The following MCM2 variants were observed in gnomAD, a reference collection of about 807,000 sequenced individuals.
The protein encoded by MCM2 is minichromosome maintenance complex component 2, also known as DNA replication licensing factor MCM2.
In MCM2, 49 loss-of-function variants were observed where a neutral mutation model predicts 86.4. The observed-to-expected ratio is 0.57, with a 90% CI of 0.45 to 0.72. MCM2 has a LOEUF of 0.72. Ranked by LOEUF, MCM2 falls within the 30% of genes least tolerant of loss-of-function variation. The pLI is 0.00. For synonymous variants in MCM2, 475 were observed against 484.6 expected (o/e 0.98, Z 0.26); for missense variants, 1,038 against 1,259.9 (o/e 0.82, Z 2.67).
chr3:127,599,681 G>T, intron 2 of MCM2, 134 bp downstream of exon 2: 2 of 768,064 alleles, frequency 2.6e-6, no homozygotes, highest in Non-Finnish European at 4.1e-6. Context: ...CTTGATCCAG[G>T]GTTCTGAGGA....
At chr3:127,601,566 A>G (rs965683749) in intron 2 of MCM2, among the ~76,000 whole-genome samples, 1 of 152,076 alleles carries the variant, frequency 6.6e-6, no homozygotes, top group Admixed American at 6.5e-5. Flanking sequence ...CGGTTTTACC[A>G]TGTTGGCCAG....
At chr3:127,608,549 A>C (rs780566836) in intron 7 of MCM2, 33 bp downstream of exon 7, 7 of 1,612,530 alleles carry the variant, frequency 4.3e-6, no homozygotes, top group Non-Finnish European at 5.1e-6. Flanking sequence ...GAGGGAGCCA[A>C]GTTGCAGAGG....
rs1242833362 is a variant in MCM2 at position 127,618,985 on chromosome 3, G to A, written c.2014-42G>A. 5.9e-6 allele frequency: 9 copies of A among 1,527,250 alleles called. No individual in the cohort carries two copies. Among genetic ancestry groups the A allele is most frequent in the East Asian group, 4.7e-5 (2 of 42,872 alleles). 94.6% of individuals were successfully genotyped at this position (1,527,250 alleles called of 1,614,324 possible). On this transcript the variant is annotated intron_variant, in intron 12 of 15. Coordinates refer to ENST00000265056, the MANE Select transcript of MCM2 (RefSeq NM_004526.4). The surrounding 1 kb of genome is among the most constrained non-coding windows in gnomAD (Gnocchi z 4.0). ...CAGCCACTGACCTCCCCAAAGCCAC[G>A]CACACCCACAATCAGACCCACCCTC...
intron 8 of MCM2, among the ~76,000 whole-genome samples, chr3:127,615,610 A>T (rs896025100): frequency 1.3e-5 from 2 of 152,190 alleles, no homozygotes; most frequent in African/African-American, 4.8e-5. Flanking sequence ...CCTTTCTGAA[A>T]TATGTCAAGA....
At chr3:127,612,802 G>A (rs768545882) in intron 8 of MCM2, among the ~76,000 whole-genome samples, 8 of 152,206 alleles carry the variant, frequency 5.3e-5, no homozygotes, top group Non-Finnish European at 1.0e-4. Flanking sequence ...CCTAGAGCCA[G>A]GAGGAGCATG....
chr3:127,608,073 A>G (rs1311344202), intron 6 of MCM2, among the ~76,000 whole-genome samples: 1 of 152,204 alleles, frequency 6.6e-6, no homozygotes, highest in Non-Finnish European at 1.5e-5. Context: ...TCACTTGCCC[A>G]AGATCACACA....
chr3:127,612,895 T>C (rs1036714223), intron 8 of MCM2, among the ~76,000 whole-genome samples: 3 of 152,236 alleles, frequency 2.0e-5, no homozygotes, highest in Non-Finnish European at 4.4e-5. Flanking sequence ...TGGTTTCCTC[T>C]GTAGGATCGA....
At position 127,618,963 on chromosome 3, in the gene MCM2, C is replaced by T. The variant is rs2074453847; in HGVS notation, c.2014-64C>T. 6.7e-7 allele frequency: 1 copy of T among 1,482,546 alleles called. No individual in the cohort carries two copies. Among genetic ancestry groups the T allele is most frequent in the Non-Finnish European group, 9.0e-7 (1 of 1,111,250 alleles). The allele number at this position is 1,482,546 out of a possible 1,614,324, so 91.8% of individuals were successfully genotyped here. On this transcript the variant is annotated intron_variant, in intron 12 of 15. Transcript: ENST00000265056. The surrounding 1 kb of genome is among the most constrained non-coding windows in gnomAD (Gnocchi z 4.0). ...TAGGGCACACTCAGCCCTTCTCCAG[C>T]CACTGACCTCCCCAAAGCCACGCAC... is the stretch of plus-strand genomic sequence containing the variant.
Position 127,621,108 on chromosome 3 carries a change from C to T in MCM2, c.2484C>T (p.Asn828=), listed in dbSNP as rs763247853. 6.2e-7 allele frequency: 1 copy of T among 1,614,120 alleles called. No homozygotes were observed. Among genetic ancestry groups the T allele is most frequent in the African/African-American group, 1.3e-5 (1 of 74,936 alleles). The change falls in exon 15 of 16, where the codon AAC becomes AAT. Residue 828 remains asparagine, a synonymous_variant. Transcript: ENST00000265056. ...GCTACCTTTCATTCCGGCGTGACAA[C>T]AATGAGCTGTTGCTCTTCATACTGA... The part of the protein sequence containing the change: ...FARYLSFRRD[N]NELLLFILKQ...
chr3:127,602,615 C>T (rs1423170454), intron 2 of MCM2, among the ~76,000 whole-genome samples: 1 of 152,202 alleles, frequency 6.6e-6, no homozygotes, highest in African/African-American at 2.4e-5. Context: ...GAGAGCACTG[C>T]AGGGAAGAGA....
At chr3:127,620,489 G>A (rs903348447) in intron 13 of MCM2, among the ~76,000 whole-genome samples, 4 of 152,192 alleles carry the variant, frequency 2.6e-5, no homozygotes, top group Admixed American at 6.5e-5. Flanking sequence ...GTGACAGGCC[G>A]TAAGCATGCA....
chr3:127,599,102 T>G (rs1335254017), intron 1 of MCM2: 3 of 588,590 alleles, frequency 5.1e-6, no homozygotes, highest in Non-Finnish European at 6.0e-6. Flanking sequence ...TGGCTTCTAT[T>G]TGTTTGGAAG....
At position 127,606,172 on chromosome 3, in the gene MCM2, T is replaced by C. The variant is rs761634324; in HGVS notation, c.728T>C (p.Val243Ala). ...NYEDLAAREH[V>A]LAYFLPEAPA... ...GAGGACTTGGCAGCCAGGGAGCACG[T>C]GCTGGCCTACTTCCTGCCTGAGGCA... The change falls in exon 5 of 16, where the codon GTG becomes GCG. Residue 243 changes from valine (V) to alanine (A), a missense_variant. Val to Ala is a moderately conservative substitution (Grantham distance 64). Around this residue, in one of 4 missense-constraint regions of MCM2, gnomAD observed 399 missense variants for 507.2 expected, o/e 0.79. Coordinates refer to ENST00000265056, the MANE Select transcript of MCM2 (RefSeq NM_004526.4). The surrounding 1 kb of genome is among the most constrained non-coding windows in gnomAD (Gnocchi z 4.2). The C allele has an allele frequency of 5.6e-6, 9 of 1,614,090 alleles. No individual in the cohort carries two copies. The highest frequency in any genetic ancestry group is 6.8e-6 in the Non-Finnish European group (8 of 1,180,048).
rs373868728 is a variant in MCM2, at chr3:127,606,372, G to A, written c.893+35G>A. 1.1e-4 allele frequency: 169 copies of A among 1,602,886 alleles called. No individual in the cohort carries two copies. Among genetic ancestry groups the A allele is most frequent in the Middle Eastern group, 1.8e-4 (1 of 5,610 alleles). On this transcript the variant is annotated intron_variant, in intron 5 of 15. Transcript: ENST00000265056. The surrounding 1 kb of genome is among the most constrained non-coding windows in gnomAD (Gnocchi z 4.2). ...GGGCAGGTGAGGATGGCAGGTCCGA[G>A]CTCAGTGCTGGGTGACTCGGTCGTG...
Position 127,611,682 on chromosome 3 carries a change from CTTTTTTTTTTTTTT to C in MCM2, c.1428+2680_1428+2693del, listed in dbSNP as rs59607211. On this transcript the variant is annotated intron_variant, in intron 8 of 15. Transcript: ENST00000265056. ...AAGCCCTGCAGGCTTCTGCAGCTGA[CTTTTTTTTTTTTTT>C]TTTTTTTTTTTTTTTTTTTTGAGAC... Among the ~76,000 whole-genome samples, 37 of 54,280 alleles carry C rather than the reference CTTTTTTTTTTTTTT, an allele frequency of 6.8e-4. No individual in the cohort carries two copies. The South Asian group carries it at 0.014, about 21-fold the overall frequency. 35.6% of individuals were successfully genotyped at this position (54,280 alleles called of 152,430 possible). A position where few individuals can be genotyped will look rare whatever the true frequency, so the allele number is the denominator to read the frequency against.
chr3:127,600,906 A>G (rs1414381460), intron 2 of MCM2, among the ~76,000 whole-genome samples: 4 of 150,982 alleles, frequency 2.6e-5, no homozygotes, highest in Admixed American at 6.6e-5. Flanking sequence ...TTATTGGGCT[A>G]TAGTTTTTTA....
chr3:127,615,878 C>G lies in MCM2; in HGVS notation c.1445C>G (p.Ala482Gly), dbSNP rs761834336. 3.1e-6 allele frequency: 5 copies of G among 1,613,932 alleles called. No homozygotes were observed. Among genetic ancestry groups the G allele is most frequent in the Non-Finnish European group, 4.2e-6 (5 of 1,179,830 alleles). Residue 482 changes from alanine to glycine, a missense_variant, in exon 9 of 16, where the codon GCT (alanine) becomes GGT (glycine). Physicochemically the swap from Ala to Gly is moderately conservative, Grantham distance 60. Coordinates refer to ENST00000265056, the MANE Select transcript of MCM2 (RefSeq NM_004526.4). ...CTTTCTCAGATCTTTGCCAGCATTG[C>G]TCCTTCCATCTATGGTCATGAAGAC... is the stretch of plus-strand genomic sequence containing the variant. ...QIGEKIFASIAPSIYGHEDIK... is the reference protein window; with the variant it reads ...QIGEKIFASIGPSIYGHEDIK...
intron 7 of MCM2, 81 bp downstream of exon 7, chr3:127,608,597 T>G (rs1576415073): frequency 6.4e-7 from 1 of 1,569,080 alleles, no homozygotes; most frequent in Non-Finnish European, 8.7e-7. Flanking sequence ...CCGGTGGCGG[T>G]GTCTATGGTC....
chr3:127,619,363 G>A, intron 13 of MCM2, 85 bp downstream of exon 13: 2 of 1,521,668 alleles, frequency 1.3e-6, no homozygotes, highest in African/African-American at 1.4e-5. Flanking sequence ...GGGGGTGGTG[G>A]TCAGTCAGGC....
Sources: allele counts gnomAD v4.1 joint callset (sites outside exome capture counted in the v4.1 genomes callset), GRCh38; gene constraint gnomAD v4.1.1; regional missense constraint gnomAD v4.1.1; non-coding constraint Gnocchi (gnomAD v3.1); transcripts MANE v1.5; gene names NCBI Gene and HGNC (gene_info 2026-07-23, HGNC 2026-07-21).